Variants in ANO7 observed in about 807,000 individuals in gnomAD.
ANO7 encodes the protein anoctamin 7.
Under a neutral mutation model 115.8 loss-of-function variants are expected in ANO7, and 114 were observed. The ratio of observed to expected loss-of-function variants is 0.98; its 90% CI spans 0.85 to 1.15. The LOEUF is 1.15. ANO7 is among the 50% of genes most tolerant of loss of function. ANO7 has a pLI of 0.00. For synonymous variants in ANO7, 550 were observed against 498.2 expected (o/e 1.10, Z -1.38); for missense variants, 1,302 against 1,201.2 (o/e 1.08, Z -1.24).
Position 241,204,962 on chromosome 2 carries a change from G to A in ANO7, c.980+7G>A. ...TGTTCTCAGACATACCCACGTGAGT[G>A]TTCCCTCTCCGCAGCTCTGGGGCCT... is the stretch of plus-strand genomic sequence containing the variant. On this transcript the variant is annotated splice_region_variant and intron_variant, in intron 10 of 24. Coordinates refer to ENST00000674324, the MANE Select transcript of ANO7 (RefSeq NM_001370694.2). The A allele has an allele frequency of 6.2e-7, 1 of 1,613,600 alleles. No individual in the cohort carries two copies. The highest frequency in any genetic ancestry group is 8.5e-7 in the Non-Finnish European group (1 of 1,179,574).
the ANO7 span, chr2:241,236,909 G>A: frequency 1.3e-6 from 1 of 776,370 alleles, no homozygotes; most frequent in Non-Finnish European, 2.0e-6. Flanking sequence ...CCTTCAGGAG[G>A]TCTTGGTCTG....
the ANO7 span, among the ~76,000 whole-genome samples, chr2:241,236,928 G>A: frequency 1.4e-5 from 2 of 147,888 alleles, no homozygotes; most frequent in Admixed American, 1.4e-4. Flanking sequence ...TGGTCAGGGA[G>A]AGCAGATAGG....
intron 3 of ANO7, among the ~76,000 whole-genome samples, chr2:241,194,463 G>A (rs10933536): frequency 0.31 from 46,318 of 151,346 alleles, 10,787 homozygotes; most frequent in East Asian, 0.82. Context: ...TACAGGTGCC[G>A]GCCACCACGC....
intron 21 of ANO7, among the ~76,000 whole-genome samples, chr2:241,221,840 G>A (rs2069027023): frequency 6.6e-6 from 1 of 150,570 alleles, no homozygotes; most frequent in Non-Finnish European, 1.5e-5. Context: ...ACCATGCCCA[G>A]CTACTCTTTT....
intron 19 of ANO7, 87 bp downstream of exon 19, chr2:241,216,325 A>G: frequency 3.5e-6 from 5 of 1,412,980 alleles, no homozygotes; most frequent in South Asian, 2.9e-5. Flanking sequence ...CCAGCCTGAC[A>G]TTCCTGTGTC....
Position 241,188,995 on chromosome 2 carries a change from C to A in ANO7, c.-8+229C>A, listed in dbSNP as rs1039848066. Among the ~76,000 whole-genome samples the A allele has an allele frequency of 4.6e-5, 7 of 152,196 alleles. No individual in the cohort carries two copies. Among genetic ancestry groups the A allele is most frequent in the Admixed American group, 2.0e-4 (3 of 15,286 alleles). On this transcript the variant is annotated intron_variant, in intron 1 of 24. Transcript: ENST00000674324. This position sits in a 1 kb window ranked among gnomAD's most constrained non-coding sequence, Gnocchi z 4.3. ...CAGCTGGGGTTGGCTTCCTGCCTGC[C>A]CAGGGGCTCCCCCATGGAGCAGGTC...
In ANO7 at chr2:241,218,246, T is replaced by G; in HGVS notation, c.2186T>G (p.Leu729Arg). 6.6e-7 allele frequency: 1 copy of G among 1,519,342 alleles called. No individual in the cohort carries two copies. The highest frequency in any genetic ancestry group is 1.9e-5 in the Admixed American group (1 of 51,908). 94.1% of individuals were successfully genotyped at this position (1,519,342 alleles called of 1,614,324 possible). ...THLAVISNAF[L>R]LAFSSDFLPR... Reference sequence around the variant, plus strand: ...GACCCCTCCGGCGCCCAGGCCTTCCTCCTGGCCTTCTCGTCCGACTTCCTG... The same window carrying G: ...GACCCCTCCGGCGCCCAGGCCTTCCGCCTGGCCTTCTCGTCCGACTTCCTG... Residue 729 changes from leucine to arginine, a missense_variant, in exon 21 of 25, where the codon CTC (leucine) becomes CGC (arginine). Leu to Arg is a moderately radical substitution (Grantham distance 102, BLOSUM62 -2). Coordinates refer to ENST00000674324, the MANE Select transcript of ANO7 (RefSeq NM_001370694.2).
intron 4 of ANO7, among the ~76,000 whole-genome samples, chr2:241,197,669 T>A (rs958767561): frequency 8.0e-5 from 10 of 124,520 alleles, no homozygotes; most frequent in South Asian, 2.4e-4. Context: ...TTTTTTTTTT[T>A]AGACAGGGTC....
At chr2:241,210,156 G>A (rs1647845731) in intron 13 of ANO7, 139 bp from the exon 14 acceptor site, 2 of 784,854 alleles carry the variant, frequency 2.5e-6, no homozygotes, top group Middle Eastern at 3.4e-4. Flanking sequence ...CACAGCCGGG[G>A]CTGGAGGCAG....
At chr2:241,215,957 C>T in intron 18 of ANO7, 136 bp from the exon 19 acceptor site, 1 of 1,139,834 alleles carries the variant, frequency 8.8e-7, no homozygotes, top group Non-Finnish European at 1.2e-6. Flanking sequence ...CCCCTCAGCC[C>T]CAGACCCCAT....
At position 241,191,259 on chromosome 2, in the gene ANO7, C is replaced by T. The variant is rs2149096975; in HGVS notation, c.166+8C>T. 2.5e-6 allele frequency: 4 copies of T among 1,613,628 alleles called. No individual in the cohort carries two copies. In the East Asian group the frequency reaches 6.7e-5, roughly 27 times the overall value. ...CTGCCAAGCCCCGGATCGGTGAGCCCCTCCCAGCACCTGTACCACACCCGT... is the reference window on the plus strand; with the variant it reads ...CTGCCAAGCCCCGGATCGGTGAGCCTCTCCCAGCACCTGTACCACACCCGT... On this transcript the variant is annotated splice_region_variant and intron_variant, in intron 3 of 24. Transcript: ENST00000674324.
At chr2:241,236,087 C>A in the ANO7 span, 3 of 189,958 alleles carry the variant, frequency 1.6e-5, no homozygotes, top group Admixed American at 1.6e-4. Flanking sequence ...CCAGAACCTG[C>A]TTTCTTGCCA....
intron 11 of ANO7, among the ~76,000 whole-genome samples, chr2:241,207,946 G>A (rs1295447422): frequency 6.6e-6 from 1 of 152,168 alleles, no homozygotes; most frequent in African/African-American, 2.4e-5. Context: ...CACTCTGGGG[G>A]CACCTGGCCC....
chr2:241,200,414 G>A (rs2068442036), intron 6 of ANO7, among the ~76,000 whole-genome samples, 189 bp downstream of exon 6: 2 of 152,262 alleles, frequency 1.3e-5, no homozygotes, highest in African/African-American at 4.8e-5. Flanking sequence ...CCGGGCTGGG[G>A]CGGTTGTGCT....
intron 19 of ANO7, 177 bp from the exon 20 acceptor site, chr2:241,217,509 G>A: frequency 1.4e-6 from 1 of 703,550 alleles, no homozygotes; most frequent in Non-Finnish European, 2.3e-6. Context: ...AGGCCGGTCA[G>A]GAGAGGCGGC....
intron 4 of ANO7, 123 bp from the exon 5 acceptor site, chr2:241,199,193 A>G: frequency 3.5e-6 from 3 of 861,902 alleles, no homozygotes; most frequent in Non-Finnish European, 5.7e-6. Context: ...AGGAGATTCA[A>G]AGTCAGCTGT....
chr2:241,208,521 TCCTTA>T (rs1175249717), intron 11 of ANO7, among the ~76,000 whole-genome samples: 4 of 152,228 alleles, frequency 2.6e-5, no homozygotes, highest in African/African-American at 9.6e-5. Flanking sequence ...CATCTGGAGA[TCCTTA>T]CCTTACATCT....
intron 11 of ANO7, 37 bp from the exon 12 acceptor site, chr2:241,209,248 C>A: frequency 6.5e-7 from 1 of 1,533,310 alleles, no homozygotes; most frequent in Non-Finnish European, 8.8e-7. Flanking sequence ...GGCCTCCAGT[C>A]CCAAGCAAGT....
the ANO7 span, chr2:241,236,320 C>G: frequency 7.2e-6 from 3 of 417,694 alleles, no homozygotes; most frequent in African/African-American, 6.0e-5. Context: ...CATCCCCCTG[C>G]AGCTGAGACC....
Sources: gnomAD v4.1 joint callset for allele counts (sites outside exome capture counted in the v4.1 genomes callset) on GRCh38, gnomAD v4.1.1 for gene constraint, Gnocchi (gnomAD v3.1) non-coding constraint, MANE v1.5 for transcripts, NCBI Gene and HGNC (gene_info 2026-07-23, HGNC 2026-07-21) for gene names.